TEX11: variants seen among roughly 807,000 people sequenced by gnomAD.
The protein encoded by TEX11 is testis-expressed protein 11.
In TEX11, 7 loss-of-function variants were observed where a neutral mutation model predicts 84.4. The observed-to-expected ratio is 0.08, with a 90% CI of 0.05 to 0.16. The LOEUF (loss-of-function observed/expected upper bound fraction) is 0.16, where lower values mean the gene tolerates loss of function less well. TEX11 is among the 10% of genes least tolerant of loss of function. The pLI is 1.00. For missense variants in TEX11, 551 were observed against 660.5 expected (o/e 0.83, Z 1.82); for synonymous variants, 264 against 222.8 (o/e 1.18, Z -1.64).
At chrX:70,569,550 G>A (rs1192871914) in intron 25 of TEX11, among the ~76,000 whole-genome samples, 1 of 111,012 alleles carries the variant, frequency 9.0e-6, no homozygotes, top group East Asian at 2.8e-4. Flanking sequence ...TCTACTTTTG[G>A]TCTTTGATGA....
intron 3 of TEX11, among the ~76,000 whole-genome samples, chrX:70,877,600 T>C (rs971720176): frequency 1.8e-5 from 2 of 112,020 alleles, no homozygotes; most frequent in Non-Finnish European, 3.8e-5. Context: ...GCAACATTAT[T>C]CACAATAGGC....
intron 11 of TEX11, among the ~76,000 whole-genome samples, chrX:70,729,262 C>A (rs1198298484): frequency 8.9e-6 from 1 of 112,436 alleles, no homozygotes; most frequent in Admixed American, 9.4e-5. Context: ...CACCTCTCCT[C>A]TTCCAAAGGA....
At chrX:70,834,224 G>A (rs1315554239) in intron 7 of TEX11, among the ~76,000 whole-genome samples, 2 of 110,167 alleles carry the variant, frequency 1.8e-5, no homozygotes, top group Non-Finnish European at 3.8e-5. Flanking sequence ...AAAAAGAAAA[G>A]CAGCTTCGTA....
chrX:70,904,544 G>A (rs1178284358), intron 2 of TEX11, among the ~76,000 whole-genome samples: 1 of 112,127 alleles, frequency 8.9e-6, no homozygotes, highest in Non-Finnish European at 1.9e-5. Flanking sequence ...ATATTAGTAA[G>A]GATATGGGGA....
rs942595296 is a variant in TEX11, at chrX:70,584,806, G to A, written c.2140+6945C>T. Among the ~76,000 whole-genome samples, 3 of 111,823 alleles carry A rather than the reference G, an allele frequency of 2.7e-5. No individual in the cohort carries two copies. The South Asian group carries it at 1.1e-3, about 42-fold the overall frequency. ...AGGAAAAAAGGTCATATTCATTGATGCAGAAAAATCATGTGATGAAATCCA... is the reference window on the plus strand; with the variant it reads ...AGGAAAAAAGGTCATATTCATTGATACAGAAAAATCATGTGATGAAATCCA... On this transcript the variant is annotated intron_variant, in intron 25 of 29. Coordinates refer to ENST00000374333, the MANE Select transcript of TEX11 (RefSeq NM_031276.3).
intron 7 of TEX11, among the ~76,000 whole-genome samples, chrX:70,851,666 TACACACAC>T (rs55903537): frequency 3.3e-5 from 3 of 92,003 alleles, no homozygotes; most frequent in East Asian, 7.1e-4. Flanking sequence ...ATTAAAAACA[TACACACAC>T]ACACACACAC....
At chrX:70,577,759 C>CTTTTTTTTTTTTTTTTTTTTTTTG (rs1213364344) in intron 25 of TEX11, among the ~76,000 whole-genome samples, 1 of 96,633 alleles carries the variant, frequency 1.0e-5, no homozygotes, top group African/African-American at 3.6e-5. Context: ...GAGACAGTCT[C>CTTTTTTTTTTTTTTTTTTTTTTTG]ACTCTGTCAC....
chrX:70,776,146 G>A (rs2091000954), intron 9 of TEX11, among the ~76,000 whole-genome samples: 1 of 110,398 alleles, frequency 9.1e-6, no homozygotes, highest in South Asian at 3.9e-4. Context: ...GTATATCAAA[G>A]GGATACTTAA....
chrX:70,828,494 A>G (rs1267848434), intron 8 of TEX11, among the ~76,000 whole-genome samples: 1 of 110,035 alleles, frequency 9.1e-6, no homozygotes, highest in African/African-American at 3.3e-5. Flanking sequence ...ATCAAGCAGA[A>G]GAAAACTAGT....
intron 25 of TEX11, among the ~76,000 whole-genome samples, chrX:70,574,652 C>A (rs1015718602): frequency 9.0e-6 from 1 of 111,463 alleles, no homozygotes; most frequent in Admixed American, 9.6e-5. Flanking sequence ...CCAGGCAAAA[C>A]TTTAGGAGGT....
rs913417638 is a variant in TEX11, at chrX:70,838,224, G to C, written c.526-4631C>G. ...ACCTGAGGTCAGGAGTTCAAGACCAGCCTGGTCAACACGGTGAAACACCAT... is the reference window on the plus strand; with the variant it reads ...ACCTGAGGTCAGGAGTTCAAGACCACCCTGGTCAACACGGTGAAACACCAT... On this transcript the variant is annotated intron_variant, in intron 7 of 29. Coordinates refer to ENST00000374333, the MANE Select transcript of TEX11 (RefSeq NM_031276.3). Among the ~76,000 whole-genome samples the C allele has an allele frequency of 3.4e-4, 38 of 111,582 alleles. 1 individual carries two copies. The highest frequency in any genetic ancestry group is 1.1e-3 in the African/African-American group (34 of 30,727).
intron 4 of TEX11, among the ~76,000 whole-genome samples, chrX:70,864,688 G>A (rs2091588765): frequency 9.7e-6 from 1 of 102,797 alleles, no homozygotes; most frequent in Non-Finnish European, 2.0e-5. Flanking sequence ...GTTGCAGTGA[G>A]CCGAGATCAT....
At chrX:70,725,642 C>A (rs2090594183) in intron 11 of TEX11, among the ~76,000 whole-genome samples, 1 of 112,058 alleles carries the variant, frequency 8.9e-6, no homozygotes, top group African/African-American at 3.2e-5. Flanking sequence ...TCTTTGTAAG[C>A]AAAACCACAA....
chrX:70,843,240 T>C (rs2091458131), intron 7 of TEX11, among the ~76,000 whole-genome samples: 1 of 111,726 alleles, frequency 9.0e-6, no homozygotes, highest in Non-Finnish European at 1.9e-5. Flanking sequence ...ACTACAAGGC[T>C]ACAGTAACCA....
At chrX:70,907,876 A>G (rs1228888062) in intron 1 of TEX11, 66 bp from the exon 2 acceptor site, 6 of 736,887 alleles carry the variant, frequency 8.1e-6, no homozygotes, top group Non-Finnish European at 1.2e-5. Flanking sequence ...ATTTCTTTCC[A>G]GTGAAATGTT....
chrX:70,647,797 A>G (rs999810312), intron 17 of TEX11, among the ~76,000 whole-genome samples: 1 of 111,873 alleles, frequency 8.9e-6, no homozygotes, highest in Non-Finnish European at 1.9e-5. Flanking sequence ...AAACAGGAAC[A>G]CTTTTACACT....
intron 9 of TEX11, among the ~76,000 whole-genome samples, chrX:70,747,337 A>G (rs759838678): frequency 2.3e-4 from 26 of 112,242 alleles, no homozygotes; most frequent in Non-Finnish European, 3.8e-4. Context: ...AAGGGGAAAA[A>G]TTCTGAGCAG....
chrX:70,691,138 T>C (rs761224832), intron 13 of TEX11, among the ~76,000 whole-genome samples: 14 of 111,935 alleles, frequency 1.3e-4, no homozygotes, highest in Non-Finnish European at 1.9e-4. Context: ...CCTGTTAGGA[T>C]GGCTATTGTG....
intron 9 of TEX11, among the ~76,000 whole-genome samples, chrX:70,759,586 A>G (rs1458467933): frequency 8.9e-6 from 1 of 111,912 alleles, no homozygotes; most frequent in African/African-American, 3.3e-5. Flanking sequence ...AAAATTCTCA[A>G]TAAACTAGGT....
Sources: allele counts gnomAD v4.1 joint callset (sites outside exome capture counted in the v4.1 genomes callset), GRCh38; gene constraint gnomAD v4.1.1; transcripts MANE v1.5; gene names NCBI Gene and HGNC (gene_info 2026-07-23, HGNC 2026-07-21).